Variants in CEACAM19 observed in about 807,000 individuals in gnomAD.
CEACAM19 encodes CEA cell adhesion molecule 19.
A neutral mutation model predicts 37.6 loss-of-function variants in CEACAM19; 37 were observed. That is an observed-to-expected ratio of 0.98 (90% confidence interval 0.76 to 1.29). The LOEUF (loss-of-function observed/expected upper bound fraction) is 1.29, where lower values mean the gene tolerates loss of function less well. Among genes scored for constraint, CEACAM19 ranks in the 50% most tolerant of loss-of-function variants. The pLI is 0.00. For missense variants in CEACAM19, 340 were observed against 375.6 expected (o/e 0.91, Z 0.78); for synonymous variants, 140 against 149.8 (o/e 0.93, Z 0.48).
At chr19:44,667,925 ATAATATATAAAATATATATAAATTATAT>A (rs1319049357), upstream of CEACAM19, among the ~76,000 whole-genome samples, 17 of 78,088 alleles carry the variant, frequency 2.2e-4, no homozygotes, top group African/African-American at 9.2e-4. Flanking sequence ...TAAATTATAT[ATAATATATAAAATATATATAAATTATAT>A]AAATCTATAT....
intron 5 of CEACAM19, among the ~76,000 whole-genome samples, chr19:44,680,741 C>T (rs1001431288): frequency 3.9e-5 from 6 of 152,182 alleles, no homozygotes; most frequent in Non-Finnish European, 7.3e-5. Context: ...CCCCTGTGCC[C>T]TTGGGACAAA....
upstream of CEACAM19, among the ~76,000 whole-genome samples, chr19:44,668,845 A>G (rs1001195688): frequency 9.4e-6 from 1 of 106,924 alleles, no homozygotes; most frequent in African/African-American, 3.5e-5. Context: ...TTGGAGATGG[A>G]GTCTTGCTCT....
chr19:44,675,097 CGT>C (rs59147604), intron 2 of CEACAM19, among the ~76,000 whole-genome samples: 24,151 of 143,606 alleles, frequency 0.17, 2,034 homozygotes, highest in Middle Eastern at 0.28. Context: ...CAGAGAACAG[CGT>C]GTGTGTGTGT....
upstream of CEACAM19, among the ~76,000 whole-genome samples, chr19:44,667,771 A>T (rs1245522356): frequency 4.0e-5 from 3 of 74,850 alleles, no homozygotes; most frequent in Admixed American, 5.0e-4. Flanking sequence ...ATATATATTT[A>T]TATATAATAT....
At chr19:44,673,582 C>T (rs1444212233) in intron 2 of CEACAM19, 1 of 152,180 alleles carries the variant, frequency 6.6e-6, no homozygotes. Flanking sequence ...AAAATGTCTT[C>T]AGATATTACC....
chr19:44,668,042 ATGTT>A (rs1973768491), upstream of CEACAM19, among the ~76,000 whole-genome samples: 1 of 85,330 alleles, frequency 1.2e-5, no homozygotes, highest in South Asian at 3.8e-4. Flanking sequence ...ATATATTTAT[ATGTT>A]TATGTATATA....
chr19:44,669,573 C>A (rs1366979107), upstream of CEACAM19, among the ~76,000 whole-genome samples: 1 of 152,096 alleles, frequency 6.6e-6, no homozygotes, highest in Non-Finnish European at 1.5e-5. Flanking sequence ...ACAGGCCCCA[C>A]ACCCTCCTTC....
At position 44,671,798 on chromosome 19, in the gene CEACAM19, C is replaced by A; in HGVS notation, c.-134C>A. 1 of 668,496 alleles carries A rather than the reference C, an allele frequency of 1.5e-6. No individual in the cohort carries two copies. Among genetic ancestry groups the A allele is most frequent in the South Asian group, 1.9e-5 (1 of 53,306 alleles). The allele number at this position is 668,496 out of a possible 1,614,324, so 41.4% of individuals were successfully genotyped here. On this transcript the variant is annotated 5_prime_UTR_variant, in exon 1 of 8. Coordinates refer to ENST00000358777, the MANE Select transcript of CEACAM19 (RefSeq NM_001127893.3). ...ATGGACAGGGCATGCTGGGGCTGGG[C>A]CAGCCCCAGCGGTGTCTCTAAGGCA... is the stretch of plus-strand genomic sequence containing the variant.
chr19:44,668,781 T>TATATATAATATATATTATATATAAAATA (rs1973811109), upstream of CEACAM19, among the ~76,000 whole-genome samples: 4 of 112,924 alleles, frequency 3.5e-5, no homozygotes, highest in Non-Finnish European at 4.9e-5. Context: ...AATATATAAT[T>TATATATAATATATATTATATATAAAATA]ATATATAATA....
rs1268320596 is a variant in CEACAM19 at position 44,683,747 on chromosome 19, G to A, written c.*257G>A. The A allele has an allele frequency of 3.9e-5, 15 of 383,802 alleles. No individual in the cohort carries two copies. The highest frequency in any genetic ancestry group is 6.0e-5 in the Non-Finnish European group (13 of 216,492). 23.8% of individuals were successfully genotyped at this position (383,802 alleles called of 1,614,324 possible). On this transcript the variant is annotated 3_prime_UTR_variant, in exon 8 of 8. Transcript: ENST00000358777. ...CTTCAAGCAAGCTGGCCTGGGCCAT[G>A]TGCCTGTGAAAGGCAGGCTCTGGCC...
At chr19:44,676,516 C>A (rs1175788111) in intron 3 of CEACAM19, 95 bp downstream of exon 3, 4 of 1,240,626 alleles carry the variant, frequency 3.2e-6, no homozygotes, top group Non-Finnish European at 4.6e-6. Context: ...GGCTCATACA[C>A]AATCTCATCA....
intron 5 of CEACAM19, among the ~76,000 whole-genome samples, 186 bp from the exon 6 acceptor site, chr19:44,681,041 G>A (rs1259234948): frequency 1.3e-5 from 2 of 152,134 alleles, no homozygotes; most frequent in East Asian, 1.9e-4. Flanking sequence ...CCACTGGACT[G>A]TAAGTCCTGG....
At position 44,671,826 on chromosome 19, in the gene CEACAM19, C is replaced by T. The variant is rs909964832; in HGVS notation, c.-106C>T. The T allele has an allele frequency of 1.0e-6, 1 of 957,968 alleles. No homozygotes were observed. The highest frequency in any genetic ancestry group is 1.6e-5 in the African/African-American group (1 of 60,992). 59.3% of individuals were successfully genotyped at this position (957,968 alleles called of 1,614,324 possible). The stretch of plus-strand genomic sequence containing the variant: ...GCCCCAGCGGTGTCTCTAAGGCACC[C>T]CTGGGATCCCCACTGAGCTGGCCTA... On this transcript the variant is annotated 5_prime_UTR_variant, in exon 1 of 8. Transcript: ENST00000358777.
chr19:44,677,570 G>A (rs1347054908), intron 3 of CEACAM19: 2 of 152,118 alleles, frequency 1.3e-5, no homozygotes, highest in Non-Finnish European at 2.9e-5. Flanking sequence ...AATTGATTCT[G>A]AACTGATTGT....
At chr19:44,678,737 C>A in intron 3 of CEACAM19, 116 bp from the exon 4 acceptor site, 5 of 1,439,176 alleles carry the variant, frequency 3.5e-6, no homozygotes, top group Non-Finnish European at 4.7e-6. Context: ...AAACCGCACA[C>A]ACACCTTCCA....
intron 2 of CEACAM19, among the ~76,000 whole-genome samples, chr19:44,673,318 G>T (rs1407900747): frequency 1.3e-5 from 2 of 152,166 alleles, no homozygotes; most frequent in Non-Finnish European, 2.9e-5. Flanking sequence ...ATTTACTGAT[G>T]AATCCACTCG....
In CEACAM19 at chr19:44,672,337, T is replaced by C. The variant is rs191005379; in HGVS notation, c.56-259T>C. On this transcript the variant is annotated intron_variant, in intron 1 of 7. Transcript: ENST00000358777. Reference sequence around the variant, plus strand: ...TGAATGAATGAATGAATTCAGAGAGTCCATGTGTTTAGAAGCAGGCCACAC... The same window carrying C: ...TGAATGAATGAATGAATTCAGAGAGCCCATGTGTTTAGAAGCAGGCCACAC... The C allele has an allele frequency of 3.6e-4, 168 of 468,008 alleles. 1 individual carries two copies. In the East Asian group the frequency reaches 5.5e-3, roughly 15 times the overall value. The allele number at this position is 468,008 out of a possible 1,614,324, so 29.0% of individuals were successfully genotyped here.
At chr19:44,680,479 C>T (rs879373695) in intron 5 of CEACAM19, 145 bp downstream of exon 5, 13 of 687,020 alleles carry the variant, frequency 1.9e-5, no homozygotes, top group Middle Eastern at 4.2e-4. Flanking sequence ...CCCCTGAACT[C>T]ACCCACATAA....
Position 44,683,426 on chromosome 19 carries a change from C to G in CEACAM19, c.847-11C>G. ...CCAGTCATAATTCTGTTCTCTCTTC[C>G]CCCCAAGCAGGACCTGCTAAACCCC... On this transcript the variant is annotated splice_polypyrimidine_tract_variant and intron_variant, in intron 7 of 7. Transcript: ENST00000358777. 6.7e-7 allele frequency: 1 copy of G among 1,496,000 alleles called. No individual in the cohort carries two copies. The highest frequency in any genetic ancestry group is 9.1e-7 in the Non-Finnish European group (1 of 1,104,500). 92.7% of individuals were successfully genotyped at this position (1,496,000 alleles called of 1,614,324 possible). A position where few individuals can be genotyped will look rare whatever the true frequency, so the allele number is the denominator to read the frequency against.
Sources: gnomAD v4.1 joint callset for allele counts (sites outside exome capture counted in the v4.1 genomes callset) on GRCh38, gnomAD v4.1.1 for gene constraint, MANE v1.5 for transcripts, NCBI Gene and HGNC (gene_info 2026-07-23, HGNC 2026-07-21) for gene names.